The following ADAMTSL1 variants were observed in gnomAD, a reference collection of about 807,000 sequenced individuals.
ADAMTSL1 encodes the protein ADAMTS-like protein 1.
Under a neutral mutation model 201.8 loss-of-function variants are expected in ADAMTSL1, and 126 were observed. The ratio of observed to expected loss-of-function variants is 0.62; its 90% CI spans 0.54 to 0.72. The LOEUF (loss-of-function observed/expected upper bound fraction) is 0.72, where lower values mean the gene tolerates loss of function less well. Among genes scored for constraint, ADAMTSL1 ranks in the 30% least tolerant of loss-of-function variants. The probability of loss-of-function intolerance (pLI) is 0.00; values close to 1 mark genes in which losing one functional copy is unlikely to be tolerated. For synonymous variants in ADAMTSL1, 1,121 were observed against 903.4 expected, an observed-to-expected ratio of 1.24 and a Z score of -4.32; for missense variants, 2,679 against 2,277.8, an observed-to-expected ratio of 1.18 and a Z score of -3.59.
At chr9:18,048,975 C>T (rs186264554) in intron 1 of ADAMTSL1, among the ~76,000 whole-genome samples, 7 of 152,240 alleles carry the variant, frequency 4.6e-5, no homozygotes, top group Non-Finnish European at 1.0e-4. Flanking sequence ...AGAGGAGGAT[C>T]CAGTCCATGT....
intron 2 of ADAMTSL1, among the ~76,000 whole-genome samples, chr9:18,461,234 A>G (rs1427877244): frequency 6.6e-6 from 1 of 152,294 alleles, no homozygotes. Context: ...ATATTTTAAC[A>G]TATATTTTAA....
At chr9:18,376,650 A>G (rs1837309076) in intron 2 of ADAMTSL1, among the ~76,000 whole-genome samples, 1 of 150,386 alleles carries the variant, frequency 6.6e-6, no homozygotes, top group Non-Finnish European at 1.5e-5. Context: ...ACTAAAAAAT[A>G]CAAAAATTAG....
intron 19 of ADAMTSL1, among the ~76,000 whole-genome samples, chr9:18,783,769 G>T (rs143377840): frequency 6.6e-6 from 1 of 152,114 alleles, no homozygotes; most frequent in African/African-American, 2.4e-5. Flanking sequence ...TTTTTAAAAG[G>T]TTATTAAAAA....
intron 21 of ADAMTSL1, among the ~76,000 whole-genome samples, chr9:18,822,929 C>T (rs371060590): frequency 7.9e-5 from 12 of 151,988 alleles, no homozygotes; most frequent in South Asian, 4.2e-4. Context: ...GGGCTGGTGA[C>T]GTTTTTTAAA....
Position 18,906,802 on chromosome 9 carries a change from G to C in ADAMTSL1, c.5072G>C (p.Arg1691Pro). 2 of 1,614,030 alleles carry C rather than the reference G, an allele frequency of 1.2e-6. No homozygotes were observed. The highest frequency in any genetic ancestry group is 1.7e-6 in the Non-Finnish European group (2 of 1,179,896). Residue 1691 changes from arginine to proline, a missense_variant, in exon 28 of 29, where the codon CGT (arginine) becomes CCT (proline). Arg to Pro is a moderately radical substitution (Grantham distance 103, BLOSUM62 -2). Coordinates refer to ENST00000380548, the MANE Select transcript of ADAMTSL1 (RefSeq NM_001040272.6). The stretch of plus-strand genomic sequence containing the variant: ...GGCAACTACGGCTTCCAGTCCCGGC[G>C]TGTGGAGTGTGTGCATGCCCGCACC... ...TCGNYGFQSR[R>P]VECVHARTNK...
chr9:18,293,483 C>T (rs1434562455), intron 2 of ADAMTSL1, among the ~76,000 whole-genome samples: 2 of 152,292 alleles, frequency 1.3e-5, no homozygotes, highest in African/African-American at 4.8e-5. Context: ...ACTGTCTGGG[C>T]CAGTGCCGTG....
chr9:18,240,651 T>C (rs956589543), intron 2 of ADAMTSL1, among the ~76,000 whole-genome samples: 3 of 152,200 alleles, frequency 2.0e-5, no homozygotes, highest in African/African-American at 7.2e-5. Context: ...TAAGATATCA[T>C]TGAATATAAG....
At chr9:18,216,760 C>A (rs1185415108) in intron 2 of ADAMTSL1, among the ~76,000 whole-genome samples, 2 of 150,394 alleles carry the variant, frequency 1.3e-5, no homozygotes, top group African/African-American at 4.9e-5. Flanking sequence ...TTGGTGAATG[C>A]TGACTCTAGA....
chr9:18,501,503 CAAAA>C (rs397894789), intron 1 of ADAMTSL1, among the ~76,000 whole-genome samples: 6 of 93,066 alleles, frequency 6.4e-5, no homozygotes, highest in Admixed American at 1.0e-4. Context: ...GACACGGTCT[CAAAA>C]AAAAAAAAAA....
chr9:18,229,328 A>G (rs145108229), intron 2 of ADAMTSL1, among the ~76,000 whole-genome samples: 2 of 152,194 alleles, frequency 1.3e-5, no homozygotes, highest in African/African-American at 4.8e-5. Context: ...CGTTTCTGGT[A>G]GAGATGAGAA....
At chr9:18,377,010 A>G (rs1837324933) in intron 2 of ADAMTSL1, among the ~76,000 whole-genome samples, 1 of 152,254 alleles carries the variant, frequency 6.6e-6, no homozygotes, top group South Asian at 2.1e-4. Flanking sequence ...AGAGCAGAGC[A>G]ACCAGTTTGT....
chr9:18,901,030 C>T (rs1482961484), intron 26 of ADAMTSL1, among the ~76,000 whole-genome samples: 10 of 152,118 alleles, frequency 6.6e-5, no homozygotes, highest in African/African-American at 2.4e-4. Context: ...CAAGCCAGCT[C>T]CTCTTGCCTT....
At chr9:18,334,764 C>T (rs557744124) in intron 2 of ADAMTSL1, among the ~76,000 whole-genome samples, 2 of 152,218 alleles carry the variant, frequency 1.3e-5, no homozygotes, top group African/African-American at 4.8e-5. Flanking sequence ...AGAATAAAGA[C>T]TTCTCTCTTC....
chr9:18,890,306 C>G (rs1263121261), intron 25 of ADAMTSL1, among the ~76,000 whole-genome samples: 1 of 152,184 alleles, frequency 6.6e-6, no homozygotes, highest in East Asian at 1.9e-4. Context: ...ATTTGGGTCC[C>G]TTGTGTGGCC....
At chr9:18,599,096 A>C (rs1824460119) in intron 4 of ADAMTSL1, among the ~76,000 whole-genome samples, 1 of 152,182 alleles carries the variant, frequency 6.6e-6, no homozygotes, top group Non-Finnish European at 1.5e-5. Flanking sequence ...TGATTGACAG[A>C]AAGATTTATT....
chr9:18,702,355 G>C (rs983953947), intron 13 of ADAMTSL1, among the ~76,000 whole-genome samples: 2 of 152,142 alleles, frequency 1.3e-5, no homozygotes, highest in Admixed American at 1.3e-4. Flanking sequence ...CCAAGAGTAA[G>C]TTGTTTTTGT....
chr9:18,408,477 C>G (rs1479475883), intron 2 of ADAMTSL1, among the ~76,000 whole-genome samples: 1 of 151,838 alleles, frequency 6.6e-6, no homozygotes, highest in East Asian at 1.9e-4. Context: ...TCCGCACCCC[C>G]CACCCACAGA....
intron 13 of ADAMTSL1, among the ~76,000 whole-genome samples, chr9:18,686,924 T>C (rs1458876954): frequency 6.6e-6 from 1 of 152,170 alleles, no homozygotes; most frequent in Admixed American, 6.5e-5. Context: ...CTTAATAAAA[T>C]CTTTAAAGTA....
In ADAMTSL1 at chr9:18,910,618, C is replaced by G. The variant is rs145021628; in HGVS notation, c.*2070C>G. On this transcript the variant is annotated 3_prime_UTR_variant, in exon 29 of 29. Coordinates refer to ENST00000380548, the MANE Select transcript of ADAMTSL1 (RefSeq NM_001040272.6). The stretch of plus-strand genomic sequence containing the variant: ...AAGACAGACAAATTCCATACTACTA[C>G]TAATGTGGTTAATTATTTCTAGTTC... 1.3e-5 allele frequency: 2 copies of G among 152,324 alleles called. No homozygotes were observed. The highest frequency in any genetic ancestry group is 2.4e-5 in the African/African-American group (1 of 41,564). 9.4% of individuals were successfully genotyped at this position (152,324 alleles called of 1,614,324 possible). A position where few individuals can be genotyped will look rare whatever the true frequency, so the allele number is the denominator to read the frequency against.
Sources: gnomAD v4.1 joint callset for allele counts (sites outside exome capture counted in the v4.1 genomes callset) on GRCh38, gnomAD v4.1.1 for gene constraint, MANE v1.5 for transcripts, NCBI Gene and HGNC (gene_info 2026-07-23, HGNC 2026-07-21) for gene names.